LYPD5: variants seen among roughly 807,000 people sequenced by gnomAD.
LYPD5 encodes ly6/PLAUR domain-containing protein 5.
A neutral mutation model predicts 19.1 loss-of-function variants in LYPD5; 21 were observed. The observed-to-expected ratio is 1.10, with a 90% CI of 0.78 to 1.58. The LOEUF is 1.58. Ranked by LOEUF, LYPD5 falls within the 40% of genes most tolerant of loss-of-function variation. The pLI, the probability that LYPD5 is intolerant of heterozygous loss-of-function variation, is 0.00. For missense variants in LYPD5, 287 were observed against 329.8 expected, an observed-to-expected ratio of 0.87 and a Z score of 1.00; for synonymous variants, 128 against 142.7, an observed-to-expected ratio of 0.90 and a Z score of 0.74.
At chr19:43,819,246 C>A (rs1055610627) in intron 1 of LYPD5, among the ~76,000 whole-genome samples, 9 of 149,366 alleles carry the variant, frequency 6.0e-5, no homozygotes, top group African/African-American at 2.2e-4. Flanking sequence ...TTGGACATAG[C>A]CTTCATTCTT....
chr19:43,811,980 G>A (rs544242855), intron 1 of LYPD5, among the ~76,000 whole-genome samples: 1 of 152,204 alleles, frequency 6.6e-6, no homozygotes, highest in Non-Finnish European at 1.5e-5. Context: ...GATATGGGCT[G>A]GCTTGACTGA....
intron 1 of LYPD5, among the ~76,000 whole-genome samples, chr19:43,809,410 C>T (rs896370939): frequency 2.7e-5 from 4 of 148,970 alleles, no homozygotes; most frequent in Non-Finnish European, 4.5e-5. Flanking sequence ...GACAGAGCTT[C>T]GTTCTTGTCA....
chr19:43,806,040 T>C (rs1047733468), upstream of LYPD5, among the ~76,000 whole-genome samples: 1 of 152,164 alleles, frequency 6.6e-6, no homozygotes, highest in African/African-American at 2.4e-5. Flanking sequence ...ACTTTGTTTC[T>C]GTGAATTTGA....
At chr19:43,816,014 G>A (rs920952987) in intron 1 of LYPD5, among the ~76,000 whole-genome samples, 1 of 151,146 alleles carries the variant, frequency 6.6e-6, no homozygotes, top group African/African-American at 2.5e-5. Context: ...GATTCCAGGT[G>A]TGAGCCACCA....
At chr19:43,801,019 A>T (rs349056) in intron 1 of LYPD5, among the ~76,000 whole-genome samples, 16,901 of 143,024 alleles carry the variant, frequency 0.12, 1,566 homozygotes, top group East Asian at 0.4. Context: ...AGACCCATGT[A>T]ACACAGATAC....
At chr19:43,816,786 A>T (rs1180503440) in intron 1 of LYPD5, among the ~76,000 whole-genome samples, 1 of 152,208 alleles carries the variant, frequency 6.6e-6, no homozygotes, top group Non-Finnish European at 1.5e-5. Flanking sequence ...CCGGTGAGAG[A>T]TAACTGAATC....
chr19:43,798,623 A>C, intron 3 of LYPD5, 22 bp from the exon 4 acceptor site: 1 of 1,609,604 alleles, frequency 6.2e-7, no homozygotes, highest in Non-Finnish European at 8.5e-7. Context: ...GCGTAGATGC[A>C]CACTCAGGCA....
At chr19:43,817,961 G>A (rs2356403) in intron 1 of LYPD5, among the ~76,000 whole-genome samples, 53,803 of 151,918 alleles carry the variant, frequency 0.35, 9,941 homozygotes, top group South Asian at 0.56. Context: ...TGATCCACCC[G>A]CCTTGGCCTC....
At chr19:43,818,647 G>A (rs1413224500) in intron 1 of LYPD5, among the ~76,000 whole-genome samples, 2 of 152,184 alleles carry the variant, frequency 1.3e-5, no homozygotes, top group African/African-American at 2.4e-5. Flanking sequence ...GTCAGGTTTC[G>A]TTGCTGCTTG....
chr19:43,802,548 GT>G, upstream of LYPD5: 1 of 445,390 alleles, frequency 2.2e-6, no homozygotes, highest in Non-Finnish European at 3.9e-6. Flanking sequence ...TGGAAACAGG[GT>G]GATCCTCAGT....
intron 1 of LYPD5, among the ~76,000 whole-genome samples, chr19:43,802,009 T>C (rs1452662542): frequency 6.6e-6 from 1 of 152,074 alleles, no homozygotes; most frequent in Non-Finnish European, 1.5e-5. Context: ...AAGGCTGGGA[T>C]GGTGGGAAGA....
At position 43,798,530 on chromosome 19, in the gene LYPD5, T is replaced by A. The variant is rs758982962; in HGVS notation, c.442A>T (p.Ile148Phe). Residue 148 changes from isoleucine (I) to phenylalanine (F), a missense_variant, in exon 4 of 5, where the codon ATC becomes TTC. Physicochemically the swap from Ile to Phe is conservative, Grantham distance 21 (BLOSUM62 0). Transcript: ENST00000377950. ...CIGVHQDDCA[I>F]GRSRRVQCHQ... ...CACTGGACTCGTCGGGACCTGCCGATAGCGCAGTCATCCTGGTGGACCCCG... is the reference window on the plus strand; with the variant it reads ...CACTGGACTCGTCGGGACCTGCCGAAAGCGCAGTCATCCTGGTGGACCCCG... 64 of 1,611,870 alleles carry A rather than the reference T, an allele frequency of 4.0e-5. No individual in the cohort carries two copies. Among genetic ancestry groups the A allele is most frequent in the Admixed American group, 5.0e-5 (3 of 60,004 alleles).
chr19:43,817,331 A>C (rs2146509561), intron 1 of LYPD5, among the ~76,000 whole-genome samples: 1 of 152,334 alleles, frequency 6.6e-6, no homozygotes, highest in Middle Eastern at 3.4e-3. Context: ...GCAACAAGAA[A>C]GCAGTTTCCA....
intron 1 of LYPD5, among the ~76,000 whole-genome samples, chr19:43,809,636 C>T (rs1970302752): frequency 1.3e-5 from 2 of 152,196 alleles, no homozygotes; most frequent in African/African-American, 4.8e-5. Flanking sequence ...AGGTGATCCA[C>T]CCGCCTTGGC....
upstream of LYPD5, among the ~76,000 whole-genome samples, chr19:43,805,061 C>T (rs1037683311): frequency 2.0e-5 from 3 of 152,178 alleles, no homozygotes; most frequent in Non-Finnish European, 2.9e-5. Flanking sequence ...TGAGTGTTCA[C>T]GAGTCTGTTG....
chr19:43,803,641 A>G (rs1045203570), upstream of LYPD5, among the ~76,000 whole-genome samples: 14 of 152,128 alleles, frequency 9.2e-5, no homozygotes, highest in Non-Finnish European at 2.9e-5. Context: ...TTTTTGTAGG[A>G]CACTTACTTT....
intron 1 of LYPD5, among the ~76,000 whole-genome samples, chr19:43,811,747 A>AGGGG (rs1555729166): frequency 7.9e-6 from 1 of 126,960 alleles, no homozygotes; most frequent in Admixed American, 8.4e-5. Flanking sequence ...GGAAGGAAGG[A>AGGGG]AGGGAGGGAG....
At chr19:43,806,268 T>C (rs1371650336), upstream of LYPD5, among the ~76,000 whole-genome samples, 4 of 152,196 alleles carry the variant, frequency 2.6e-5, no homozygotes, top group African/African-American at 7.2e-5. Context: ...GAATTGCGTA[T>C]GCAAGGGATC....
intron 1 of LYPD5, among the ~76,000 whole-genome samples, chr19:43,800,750 T>G (rs1295045036): frequency 6.6e-6 from 1 of 151,590 alleles, no homozygotes; most frequent in Non-Finnish European, 1.5e-5. Flanking sequence ...TCACCTGAAC[T>G]CGGGAGTTAG....
Sources: gnomAD v4.1 joint callset for allele counts (sites outside exome capture counted in the v4.1 genomes callset) on GRCh38, gnomAD v4.1.1 for gene constraint, MANE v1.5 for transcripts, NCBI Gene and HGNC (gene_info 2026-07-23, HGNC 2026-07-21) for gene names.